Variants in TRAPPC11 observed in about 807,000 individuals in gnomAD.
TRAPPC11 encodes the protein foie gras homolog.
In TRAPPC11, 104 loss-of-function variants were observed where a neutral mutation model predicts 151.2. The observed-to-expected ratio is 0.69, with a 90% CI of 0.59 to 0.81. The LOEUF is 0.81. TRAPPC11 is among the 30% of genes least tolerant of loss of function. TRAPPC11 has a pLI of 0.00. For missense variants in TRAPPC11, 1,230 were observed against 1,349.6 expected, an observed-to-expected ratio of 0.91 and a Z score of 1.39; for synonymous variants, 456 against 472.3, an observed-to-expected ratio of 0.97 and a Z score of 0.45.
intron 29 of TRAPPC11, among the ~76,000 whole-genome samples, chr4:183,710,689 C>T (rs1248252402): frequency 6.6e-6 from 1 of 151,904 alleles, no homozygotes; most frequent in Non-Finnish European, 1.5e-5. Context: ...AAATGTTCAC[C>T]GGACTCCGCA....
At position 183,685,466 on chromosome 4, in the gene TRAPPC11, G is replaced by A. The variant is rs1735918728; in HGVS notation, c.1762+63G>A. On this transcript the variant is annotated intron_variant, in intron 17 of 29. Transcript: ENST00000334690. The stretch of plus-strand genomic sequence containing the variant: ...TTGTCTTATTTCTACAAAATGAATA[G>A]GTGCAGAATAATAAATATAAAAGTC... The A allele has an allele frequency of 2.0e-6, 3 of 1,507,184 alleles. No homozygotes were observed. The South Asian group carries it at 3.6e-5, about 18-fold the overall frequency. 93.4% of individuals were successfully genotyped at this position (1,507,184 alleles called of 1,614,324 possible). A position where few individuals can be genotyped will look rare whatever the true frequency, so the allele number is the denominator to read the frequency against.
chr4:183,704,280 G>A (rs985056976), intron 26 of TRAPPC11, among the ~76,000 whole-genome samples: 4 of 152,042 alleles, frequency 2.6e-5, no homozygotes, highest in Admixed American at 2.6e-4. Context: ...CAGCACTTTG[G>A]GAAGCTGAGG....
intron 9 of TRAPPC11, 43 bp downstream of exon 9, chr4:183,679,529 C>T (rs1393626296): frequency 6.6e-7 from 1 of 1,519,458 alleles, no homozygotes; most frequent in Non-Finnish European, 8.9e-7. Context: ...AAAAATGATA[C>T]ATAGTATTTG....
chr4:183,663,294 C>A (rs762630677), intron 1 of TRAPPC11, among the ~76,000 whole-genome samples: 1 of 152,020 alleles, frequency 6.6e-6, no homozygotes, highest in Admixed American at 6.6e-5. Flanking sequence ...AGTGCAGTGG[C>A]GCCATCTTGG....
At position 183,694,823 on chromosome 4, in the gene TRAPPC11, A is replaced by G. The variant is rs112555609; in HGVS notation, c.2628+100A>G. On this transcript the variant is annotated intron_variant, in intron 23 of 29. Transcript: ENST00000334690. ...AAAATAAGCATAAAATAAGCAGTTT[A>G]GGTGCTTATAGTCTGTTATAAATTT... 14 of 1,187,900 alleles carry G rather than the reference A, an allele frequency of 1.2e-5. No individual in the cohort carries two copies. The African/African-American group carries it at 1.7e-4, about 15-fold the overall frequency. 73.6% of individuals were successfully genotyped at this position (1,187,900 alleles called of 1,614,324 possible).
chr4:183,660,745 G>A (rs1288821010), intron 1 of TRAPPC11, among the ~76,000 whole-genome samples: 1 of 152,048 alleles, frequency 6.6e-6, no homozygotes, highest in East Asian at 1.9e-4. Context: ...ACGGAGTCTT[G>A]CTCTGTTGCC....
At chr4:183,661,426 C>G (rs900320403) in intron 1 of TRAPPC11, among the ~76,000 whole-genome samples, 66 of 123,362 alleles carry the variant, frequency 5.4e-4, no homozygotes, top group Non-Finnish European at 8.0e-4. Context: ...GGCTGGAGTG[C>G]AGTGGCGCGA....
At chr4:183,663,783 G>A in intron 1 of TRAPPC11, 64 bp from the exon 2 acceptor site, 1 of 601,014 alleles carries the variant, frequency 1.7e-6, no homozygotes, top group Non-Finnish European at 2.6e-6. Context: ...TTGTTGCCCA[G>A]GCTGGAGAAA....
chr4:183,665,200 T>C (rs1172942401), intron 2 of TRAPPC11, among the ~76,000 whole-genome samples: 1 of 146,902 alleles, frequency 6.8e-6, no homozygotes. Flanking sequence ...GTTCGTGCCA[T>C]TCTCCTGCTT....
rs1416507362 is a variant in TRAPPC11 at position 183,668,124 on chromosome 4, A to G, written c.560+7A>G. ...TTGTGGGTTATATTATAAGGTAAGTAGAGGTCTTTTAAAGTTTTGTTTTTT... is the reference window on the plus strand; with the variant it reads ...TTGTGGGTTATATTATAAGGTAAGTGGAGGTCTTTTAAAGTTTTGTTTTTT... On this transcript the variant is annotated splice_region_variant and intron_variant, in intron 5 of 29. Transcript: ENST00000334690. 4.6e-6 allele frequency: 7 copies of G among 1,521,716 alleles called. No homozygotes were observed. Among genetic ancestry groups the G allele is most frequent in the Non-Finnish European group, 6.3e-6 (7 of 1,114,496 alleles). 94.3% of individuals were successfully genotyped at this position (1,521,716 alleles called of 1,614,324 possible). A position where few individuals can be genotyped will look rare whatever the true frequency, so the allele number is the denominator to read the frequency against.
chr4:183,711,205 G>T (rs1225254701), intron 29 of TRAPPC11, among the ~76,000 whole-genome samples: 1 of 152,072 alleles, frequency 6.6e-6, no homozygotes, highest in Admixed American at 6.5e-5. Flanking sequence ...TTAGGTCCTA[G>T]TGCACCTGTA....
chr4:183,703,849 T>C (rs1736915437), intron 26 of TRAPPC11, among the ~76,000 whole-genome samples: 1 of 152,230 alleles, frequency 6.6e-6, no homozygotes, highest in African/African-American at 2.4e-5. Flanking sequence ...ATAATGTTAC[T>C]TCAGCTCCAT....
At chr4:183,707,011 G>T (rs1725610872) in intron 28 of TRAPPC11, 71 bp downstream of exon 28, 1 of 1,550,394 alleles carries the variant, frequency 6.4e-7, no homozygotes, top group Middle Eastern at 1.7e-4. Context: ...TGTACCTTTA[G>T]TTTTTATGAA....
Position 183,663,938 on chromosome 4 carries a change from G to T in TRAPPC11, c.71G>T (p.Gly24Val), listed in dbSNP as rs1734702027. The T allele has an allele frequency of 1.9e-6, 3 of 1,614,010 alleles. No individual in the cohort carries two copies. ...CRPMAFVTLT[G>V]LDVVYNAVHR... ...CCTATGGCCTTTGTTACTCTAACGG[G>T]CCTGGATGTAGTTTATAATGCAGTC... is the stretch of plus-strand genomic sequence containing the variant. Residue 24 changes from glycine (G) to valine (V), a missense_variant, in exon 2 of 30, where the codon GGC becomes GTC. Gly to Val is a moderately radical substitution (Grantham distance 109). Transcript: ENST00000334690.
In TRAPPC11 at chr4:183,693,688, T is replaced by C; in HGVS notation, c.2337T>C (p.His779=). 1.2e-6 allele frequency: 2 copies of C among 1,614,168 alleles called. No individual in the cohort carries two copies. Among genetic ancestry groups the C allele is most frequent in the South Asian group, 2.2e-5 (2 of 91,080 alleles). The change falls in exon 21 of 30, where the codon CAT becomes CAC. Residue 779 remains histidine, a synonymous_variant. Transcript: ENST00000334690. The part of the protein sequence containing the change: ...MYCLVVTVQS[H]EKTQIRDVKL... ...GTTTGGTTGTGACTGTTCAGTCCCATGAAAAGACCCAAATCAGAGATGTGA... is the reference window on the plus strand; with the variant it reads ...GTTTGGTTGTGACTGTTCAGTCCCACGAAAAGACCCAAATCAGAGATGTGA...
chr4:183,692,995 G>A lies in TRAPPC11; in HGVS notation c.2085G>A (p.Thr695=), dbSNP rs772039893. 1.4e-5 allele frequency: 23 copies of A among 1,612,954 alleles called. No individual in the cohort carries two copies. Among genetic ancestry groups the A allele is most frequent in the Admixed American group, 1.2e-4 (7 of 59,902 alleles). Residue 695 remains threonine, a synonymous_variant, in exon 20 of 30, where the codon ACG becomes ACA. Coordinates refer to ENST00000334690, the MANE Select transcript of TRAPPC11 (RefSeq NM_021942.6). ...TSVDLALGNE[T]GRCVVLNWQG... ...TGGATCTTGCTCTGGGCAATGAGACGGGAAGATGTGTGGTTTTAAATTGGC... is the reference window on the plus strand; with the variant it reads ...TGGATCTTGCTCTGGGCAATGAGACAGGAAGATGTGTGGTTTTAAATTGGC...
At chr4:183,694,475 G>A (rs1736427588) in intron 22 of TRAPPC11, 129 bp from the exon 23 acceptor site, 2 of 943,772 alleles carry the variant, frequency 2.1e-6, no homozygotes, top group Admixed American at 2.4e-5. Flanking sequence ...GTAACATTCT[G>A]TAAAAGTGAT....
chr4:183,709,743 C>G (rs905905693), intron 29 of TRAPPC11, among the ~76,000 whole-genome samples: 1 of 152,106 alleles, frequency 6.6e-6, no homozygotes, highest in Non-Finnish European at 1.5e-5. Flanking sequence ...CCACTGCACT[C>G]CAGCCTGGGC....
chr4:183,692,371 A>T (rs751791011), intron 19 of TRAPPC11, among the ~76,000 whole-genome samples: 6 of 73,368 alleles, frequency 8.2e-5, no homozygotes, highest in East Asian at 3.5e-4. Context: ...CTTATTCATT[A>T]AAAAAAAAAA....
Sources: gnomAD v4.1 joint callset for allele counts (sites outside exome capture counted in the v4.1 genomes callset) on GRCh38, gnomAD v4.1.1 for gene constraint, MANE v1.5 for transcripts, NCBI Gene and HGNC (gene_info 2026-07-23, HGNC 2026-07-21) for gene names.